The following PKNOX2 variants were observed in gnomAD, a reference collection of about 807,000 sequenced individuals.
PKNOX2 encodes the protein homeobox protein PKNOX2.
PKNOX2 carries 14 observed loss-of-function variants against 53.1 expected under a neutral mutation model. The ratio of observed to expected loss-of-function variants is 0.26; its 90% CI spans 0.17 to 0.41. PKNOX2 has a LOEUF of 0.41. Ranked by LOEUF, PKNOX2 falls within the 10% of genes least tolerant of loss-of-function variation. The pLI is 1.00. For synonymous variants in PKNOX2, 257 were observed against 242.8 expected (o/e 1.06, Z -0.54); for missense variants, 496 against 602.8 (o/e 0.82, Z 1.85).
intron 5 of PKNOX2, among the ~76,000 whole-genome samples, chr11:125,376,312 A>T (rs1322746577): frequency 2.0e-5 from 3 of 152,198 alleles, no homozygotes; most frequent in Non-Finnish European, 4.4e-5. Context: ...AGGACTAAAA[A>T]TACACCCGCA....
At chr11:125,378,362 C>G (rs1231519810) in intron 5 of PKNOX2, among the ~76,000 whole-genome samples, 1 of 152,252 alleles carries the variant, frequency 6.6e-6, no homozygotes, top group African/African-American at 2.4e-5. Flanking sequence ...GTCCTGCTGG[C>G]CCATGCCTGA....
chr11:125,253,051 G>A (rs1332761741), intron 2 of PKNOX2, among the ~76,000 whole-genome samples: 1 of 152,164 alleles, frequency 6.6e-6, no homozygotes, highest in Non-Finnish European at 1.5e-5. Flanking sequence ...AGAACGAGTA[G>A]GAAGGCCCTT....
intron 2 of PKNOX2, among the ~76,000 whole-genome samples, chr11:125,325,924 A>C (rs1949794300): frequency 6.6e-6 from 1 of 152,260 alleles, no homozygotes; most frequent in Non-Finnish European, 1.5e-5. Flanking sequence ...ACACATTGAA[A>C]TATAAAGAAC....
At chr11:125,400,464 C>A (rs1022603774) in intron 7 of PKNOX2, among the ~76,000 whole-genome samples, 4 of 152,174 alleles carry the variant, frequency 2.6e-5, no homozygotes, top group African/African-American at 9.7e-5. Context: ...ACCCTGCTTG[C>A]CATGCCCCTG....
chr11:125,215,783 T>C (rs1940431214), intron 1 of PKNOX2, among the ~76,000 whole-genome samples: 1 of 151,932 alleles, frequency 6.6e-6, no homozygotes, highest in African/African-American at 2.4e-5. Context: ...TAACTAACTA[T>C]TTCCCATTAC....
chr11:125,351,680 C>T (rs1296919672), intron 4 of PKNOX2, among the ~76,000 whole-genome samples: 5 of 152,254 alleles, frequency 3.3e-5, no homozygotes, highest in Admixed American at 2.6e-4. Context: ...AGCAGACAAG[C>T]GCAGCCAAGC....
At chr11:125,249,606 G>A (rs1463280820) in intron 2 of PKNOX2, among the ~76,000 whole-genome samples, 1 of 152,132 alleles carries the variant, frequency 6.6e-6, no homozygotes, top group Non-Finnish European at 1.5e-5. Flanking sequence ...GAGAATATGT[G>A]TAGGTTATAT....
chr11:125,257,606 C>A lies in PKNOX2; in HGVS notation c.-130+22491C>A, dbSNP rs75757473. The stretch of plus-strand genomic sequence containing the variant: ...ACTTCTCTCAGCCTCAGTTTCCCTG[C>A]TGTAAAAATGAAGAAGCAGCAGCTG... On this transcript the variant is annotated intron_variant, in intron 2 of 12. Transcript: ENST00000298282. 6.8e-4 allele frequency among the ~76,000 whole-genome samples: 104 copies of A among 152,290 alleles called. 1 individual carries two copies. Among genetic ancestry groups the A allele is most frequent in the African/African-American group, 2.5e-3 (103 of 41,564 alleles).
intron 2 of PKNOX2, among the ~76,000 whole-genome samples, chr11:125,304,937 C>T (rs11820508): frequency 0.2 from 29,702 of 152,094 alleles, 3,466 homozygotes; most frequent in East Asian, 0.33. Flanking sequence ...GAGTTAGCCT[C>T]GTGAAGTCAG....
In PKNOX2 at chr11:125,385,158, G is replaced by A. The variant is rs77582687; in HGVS notation, c.228-393G>A. Reference sequence around the variant, plus strand: ...CAAGAATGGATCTATGACCTACCACGAATGTTCACATCCAGGACTTCTCTG... The same window carrying A: ...CAAGAATGGATCTATGACCTACCACAAATGTTCACATCCAGGACTTCTCTG... On this transcript the variant is annotated intron_variant, in intron 5 of 12. Coordinates refer to ENST00000298282, the MANE Select transcript of PKNOX2 (RefSeq NM_001382323.2). 8.2e-3 allele frequency among the ~76,000 whole-genome samples: 1,246 copies of A among 152,244 alleles called. 16 individuals carry two copies. The highest frequency in any genetic ancestry group is 0.028 in the African/African-American group (1,154 of 41,534).
intron 10 of PKNOX2, among the ~76,000 whole-genome samples, chr11:125,426,182 A>C (rs1213537692): frequency 2.0e-5 from 3 of 152,238 alleles, no homozygotes; most frequent in Non-Finnish European, 4.4e-5. Context: ...TAATAGTGGA[A>C]GAACTTTTCA....
intron 1 of PKNOX2, among the ~76,000 whole-genome samples, chr11:125,183,931 G>C (rs767917180): frequency 2.0e-4 from 31 of 152,170 alleles, no homozygotes; most frequent in Admixed American, 5.2e-4. Context: ...TATGTTTCCT[G>C]TGGGGGTTTC....
intron 1 of PKNOX2, among the ~76,000 whole-genome samples, chr11:125,187,111 G>A (rs2135312450): frequency 6.6e-6 from 1 of 152,258 alleles, no homozygotes; most frequent in South Asian, 2.1e-4. Flanking sequence ...TTTGATTACT[G>A]TAGATTTACA....
intron 7 of PKNOX2, among the ~76,000 whole-genome samples, chr11:125,398,958 G>C (rs1954574119): frequency 6.6e-6 from 1 of 152,224 alleles, no homozygotes; most frequent in South Asian, 2.1e-4. Context: ...AGAGGTGCTG[G>C]AAGTAGTGCC....
intron 11 of PKNOX2, 129 bp from the exon 12 acceptor site, chr11:125,429,834 T>C: frequency 8.9e-7 from 1 of 1,123,526 alleles, no homozygotes; most frequent in Non-Finnish European, 1.3e-6. Context: ...TTGCTGGGCT[T>C]TTACATCCGG....
intron 2 of PKNOX2, among the ~76,000 whole-genome samples, chr11:125,235,551 A>T (rs1285682862): frequency 6.6e-6 from 1 of 152,206 alleles, no homozygotes; most frequent in Non-Finnish European, 1.5e-5. Flanking sequence ...GGGAGGCATG[A>T]GGGAGGAAAA....
rs1017304750 is a variant in PKNOX2, at chr11:125,424,046, C to T, written c.937-4966C>T. On this transcript the variant is annotated intron_variant, in intron 10 of 12. Transcript: ENST00000298282. Reference sequence around the variant, plus strand: ...AGGTCATCATGTTTAGGATGTAACACAGATAGCAAAACTATAAAGAAAAGC... The same window carrying T: ...AGGTCATCATGTTTAGGATGTAACATAGATAGCAAAACTATAAAGAAAAGC... 3.3e-5 allele frequency among the ~76,000 whole-genome samples: 5 copies of T among 151,414 alleles called. No individual in the cohort carries two copies. In the East Asian group the frequency reaches 9.7e-4, roughly 29 times the overall value.
chr11:125,209,356 A>G (rs1159666774), intron 1 of PKNOX2, among the ~76,000 whole-genome samples: 1 of 151,940 alleles, frequency 6.6e-6, no homozygotes, highest in African/African-American at 2.4e-5. Context: ...TTGTAGATCA[A>G]GGCTGGTAGC....
At chr11:125,313,875 G>A (rs1948983556) in intron 2 of PKNOX2, among the ~76,000 whole-genome samples, 1 of 152,220 alleles carries the variant, frequency 6.6e-6, no homozygotes, top group Non-Finnish European at 1.5e-5. Flanking sequence ...CATCACCACA[G>A]AGAGTTCTAT....
Sources: gnomAD v4.1 joint callset for allele counts (sites outside exome capture counted in the v4.1 genomes callset) on GRCh38, gnomAD v4.1.1 for gene constraint, MANE v1.5 for transcripts, NCBI Gene and HGNC (gene_info 2026-07-23, HGNC 2026-07-21) for gene names.